DLG2: variants seen among roughly 807,000 people sequenced by gnomAD.
The protein encoded by DLG2 is disks large homolog 2.
DLG2 carries 45 observed loss-of-function variants against 132.5 expected under a neutral mutation model. The ratio of observed to expected loss-of-function variants is 0.34; its 90% CI spans 0.27 to 0.44. The LOEUF (loss-of-function observed/expected upper bound fraction) is 0.44. DLG2 is among the 20% of genes least tolerant of loss of function. The pLI is 1.00. For missense variants in DLG2, 1,045 were observed against 1,196.9 expected, an observed-to-expected ratio of 0.87 and a Z score of 1.87; for synonymous variants, 424 against 419.6, an observed-to-expected ratio of 1.01 and a Z score of -0.13.
intron 6 of DLG2, among the ~76,000 whole-genome samples, chr11:85,025,064 T>A (rs1305158409): frequency 6.6e-6 from 1 of 152,214 alleles, no homozygotes; most frequent in East Asian, 1.9e-4. Context: ...TCAGGAGGAT[T>A]AGGTGCATGC....
At chr11:83,489,412 CTT>C (rs1375151835) in intron 21 of DLG2, among the ~76,000 whole-genome samples, 3 of 151,908 alleles carry the variant, frequency 2.0e-5, no homozygotes, top group African/African-American at 7.2e-5. Context: ...TCAGAAGAAA[CTT>C]TGAGAAGGAT....
intron 22 of DLG2, among the ~76,000 whole-genome samples, chr11:83,482,365 A>G (rs1403433351): frequency 6.6e-6 from 1 of 152,162 alleles, no homozygotes; most frequent in Non-Finnish European, 1.5e-5. Context: ...CATGTGATAC[A>G]GTTGCAAAAG....
chr11:84,827,045 T>C (rs1329455812), intron 6 of DLG2, among the ~76,000 whole-genome samples: 1 of 151,694 alleles, frequency 6.6e-6, no homozygotes, highest in East Asian at 2.0e-4. Flanking sequence ...GCTGGCACTG[T>C]GGTGTGGTAC....
intron 17 of DLG2, among the ~76,000 whole-genome samples, chr11:83,831,314 C>T (rs572142395): frequency 6.6e-6 from 1 of 152,294 alleles, no homozygotes; most frequent in South Asian, 2.1e-4. Flanking sequence ...TCTTGGATGG[C>T]AGAACAAGGT....
At position 83,625,055 on chromosome 11, in the gene DLG2, G is replaced by A. The variant is rs140336964; in HGVS notation, c.1940+8156C>T. 7.9e-3 allele frequency among the ~76,000 whole-genome samples: 1,196 copies of A among 152,296 alleles called. 5 individuals carry two copies. Among genetic ancestry groups the A allele is most frequent in the Middle Eastern group, 0.024 (7 of 294 alleles). ...CATATCATAGTCAATATGTTTCTAA[G>A]TGAATAACTAATGATCTTGCTAAAT... On this transcript the variant is annotated intron_variant, in intron 19 of 27. Coordinates refer to ENST00000376104, the MANE Select transcript of DLG2 (RefSeq NM_001142699.3).
At chr11:84,010,293 GTATTAT>G (rs71463190) in intron 11 of DLG2, among the ~76,000 whole-genome samples, 16 of 147,560 alleles carry the variant, frequency 1.1e-4, no homozygotes, top group South Asian at 2.2e-4. Context: ...CATTTTAATT[GTATTAT>G]TATTATTATT....
intron 18 of DLG2, among the ~76,000 whole-genome samples, chr11:83,739,446 T>G (rs1472649928): frequency 6.6e-6 from 1 of 152,114 alleles, no homozygotes; most frequent in Non-Finnish European, 1.5e-5. Context: ...AAGAAAAATA[T>G]GCATTGGAGC....
At chr11:84,038,212 T>C (rs1382043134) in intron 11 of DLG2, among the ~76,000 whole-genome samples, 1 of 151,732 alleles carries the variant, frequency 6.6e-6, no homozygotes, top group Non-Finnish European at 1.5e-5. Context: ...AAACAGACAA[T>C]CTACAGAATG....
chr11:84,731,169 T>C (rs1021449895), intron 6 of DLG2, among the ~76,000 whole-genome samples: 12 of 152,130 alleles, frequency 7.9e-5, no homozygotes, highest in African/African-American at 2.7e-4. Flanking sequence ...AAGATGTGCA[T>C]TGTATTTGCT....
chr11:84,483,266 C>T (rs2099142399), intron 7 of DLG2, among the ~76,000 whole-genome samples: 1 of 151,796 alleles, frequency 6.6e-6, no homozygotes, highest in South Asian at 2.1e-4. Context: ...AACCCCGTCT[C>T]TACAAAAATA....
At chr11:84,926,481 T>C (rs2092981302) in intron 6 of DLG2, among the ~76,000 whole-genome samples, 1 of 152,110 alleles carries the variant, frequency 6.6e-6, no homozygotes, top group East Asian at 1.9e-4. Flanking sequence ...TGGAAAGATG[T>C]CCAAGTTATA....
At chr11:85,501,691 G>C (rs2093808045) in intron 3 of DLG2, among the ~76,000 whole-genome samples, 1 of 150,724 alleles carries the variant, frequency 6.6e-6, no homozygotes, top group African/African-American at 2.4e-5. Context: ...CTGGTCATTA[G>C]AGAAATGCAA....
chr11:85,306,323 G>A (rs2152801743), intron 3 of DLG2, among the ~76,000 whole-genome samples: 1 of 152,314 alleles, frequency 6.6e-6, no homozygotes, highest in South Asian at 2.1e-4. Flanking sequence ...ACAGCAAAGA[G>A]AAAGGGCCTT....
At chr11:83,954,431 A>G (rs956117740) in intron 14 of DLG2, among the ~76,000 whole-genome samples, 2 of 152,186 alleles carry the variant, frequency 1.3e-5, no homozygotes, top group African/African-American at 2.4e-5. Flanking sequence ...AGGCTTCCAC[A>G]TAATGATCTA....
At position 83,569,483 on chromosome 11, in the gene DLG2, T is replaced by C. The variant is rs570268748; in HGVS notation, c.1941-27625A>G. Among the ~76,000 whole-genome samples the C allele has an allele frequency of 1.1e-4, 17 of 152,316 alleles. No homozygotes were observed. In the East Asian group the frequency reaches 3.1e-3, roughly 28 times the overall value. The stretch of plus-strand genomic sequence containing the variant: ...TTATATCCTTTTTTCTCTTCAACAT[T>C]TTAATCCTCATTTTACAGATGAGGA... On this transcript the variant is annotated intron_variant, in intron 19 of 27. Transcript: ENST00000376104.
intron 7 of DLG2, among the ~76,000 whole-genome samples, chr11:84,264,966 T>C (rs2097597127): frequency 6.6e-6 from 1 of 152,174 alleles, no homozygotes; most frequent in African/African-American, 2.4e-5. Context: ...ATGAGAATCG[T>C]ATGATTCCTG....
chr11:85,291,247 A>G (rs543532097), intron 3 of DLG2, among the ~76,000 whole-genome samples: 2 of 152,296 alleles, frequency 1.3e-5, no homozygotes, highest in Non-Finnish European at 2.9e-5. Flanking sequence ...TGTGTGACTC[A>G]TGAGTTGCTC....
intron 11 of DLG2, among the ~76,000 whole-genome samples, chr11:84,037,759 T>C (rs1021953589): frequency 7.2e-5 from 11 of 152,138 alleles, no homozygotes; most frequent in Non-Finnish European, 5.9e-5. Context: ...GTATATTAAA[T>C]GGTAGTTTTT....
intron 3 of DLG2, among the ~76,000 whole-genome samples, chr11:85,375,027 T>C (rs2085296243): frequency 6.6e-6 from 1 of 152,104 alleles, no homozygotes; most frequent in Non-Finnish European, 1.5e-5. Context: ...TAAACAACTA[T>C]GTCTTCTTTT....
Sources: allele counts gnomAD v4.1 joint callset (sites outside exome capture counted in the v4.1 genomes callset), GRCh38; gene constraint gnomAD v4.1.1; transcripts MANE v1.5; gene names NCBI Gene and HGNC (gene_info 2026-07-23, HGNC 2026-07-21).